Variants in CCDC7 observed in about 807,000 individuals in gnomAD.
The protein encoded by CCDC7 is coiled-coil domain containing 7.
In CCDC7, 183 loss-of-function variants were observed where a neutral mutation model predicts 196.9. The observed-to-expected ratio is 0.93, with a 90% CI of 0.82 to 1.05. The LOEUF (loss-of-function observed/expected upper bound fraction) is 1.05, where lower values mean the gene tolerates loss of function less well. Ranked by LOEUF, CCDC7 falls within the 50% of genes least tolerant of loss-of-function variation. CCDC7 has a pLI of 0.00. For synonymous variants in CCDC7, 525 were observed against 484.6 expected (o/e 1.08, Z -1.10); for missense variants, 1,540 against 1,482.2 (o/e 1.04, Z -0.64).
chr10:32,829,904 G>T (rs906042125), intron 32 of CCDC7, among the ~76,000 whole-genome samples: 3 of 151,170 alleles, frequency 2.0e-5, no homozygotes, highest in African/African-American at 7.3e-5. Flanking sequence ...AGAAAAACGT[G>T]AAAATACTAG....
intron 18 of CCDC7, among the ~76,000 whole-genome samples, chr10:32,596,540 T>C (rs2060378921): frequency 6.6e-6 from 1 of 152,178 alleles, no homozygotes; most frequent in Non-Finnish European, 1.5e-5. Context: ...CATTTAAGGT[T>C]AATATTGTTA....
intron 20 of CCDC7, among the ~76,000 whole-genome samples, chr10:32,662,029 A>G (rs7904641): frequency 6.6e-6 from 1 of 151,854 alleles, no homozygotes; most frequent in Admixed American, 6.6e-5. Flanking sequence ...GCTTGCCAGA[A>G]CTCAAGTTCC....
chr10:32,470,943 A>G, intron 5 of CCDC7, 121 bp from the exon 7 acceptor site: 2 of 904,822 alleles, frequency 2.2e-6, no homozygotes, highest in Non-Finnish European at 3.1e-6. Context: ...ACTTGGCTAT[A>G]GCTATAGATA....
intron 29 of CCDC7, among the ~76,000 whole-genome samples, chr10:32,797,676 AAAAT>A (rs1382419473): frequency 1.3e-5 from 2 of 152,214 alleles, no homozygotes; most frequent in African/African-American, 4.8e-5. Flanking sequence ...CATAGTTTAA[AAAAT>A]AAATAAAAAA....
At chr10:32,642,198 T>C (rs561047558) in intron 20 of CCDC7, among the ~76,000 whole-genome samples, 98 of 152,272 alleles carry the variant, frequency 6.4e-4, no homozygotes, top group Middle Eastern at 3.4e-3. Context: ...GACATTTAAG[T>C]CTGCAGAGGT....
intron 20 of CCDC7, among the ~76,000 whole-genome samples, chr10:32,654,163 C>T (rs2069316583): frequency 6.6e-6 from 1 of 152,090 alleles, no homozygotes; most frequent in African/African-American, 2.4e-5. Flanking sequence ...TATTTGGTTA[C>T]TTCGGGAAAT....
intron 20 of CCDC7, among the ~76,000 whole-genome samples, chr10:32,645,600 A>G (rs1048919923): frequency 1.3e-5 from 2 of 149,944 alleles, no homozygotes; most frequent in Non-Finnish European, 3.0e-5. Context: ...GGATAGTTTG[A>G]ATAGAACTGG....
chr10:32,526,373 C>T (rs549802361), intron 11 of CCDC7, among the ~76,000 whole-genome samples: 1 of 152,188 alleles, frequency 6.6e-6, no homozygotes, highest in South Asian at 2.1e-4. Flanking sequence ...AGCCTGGGCT[C>T]AGGGACCCCA....
At position 32,847,890 on chromosome 10, in the gene CCDC7, TAA is replaced by T. The variant is rs371466318; in HGVS notation, c.3748_3749del (p.Lys1250AspfsTer8). ...GGTTCAAGTAAAACAATTGGTGAGA[TAA>T]AGACACAACTAAGGACTCACTATGG... On this transcript the variant is annotated frameshift_variant, in exon 38 of 42. Transcript: ENST00000639629. LOFTEE classifies it high-confidence loss of function. 65,575 of 1,608,818 alleles carry T rather than the reference TAA, an allele frequency of 0.041. 1,547 individuals carry two copies. Among genetic ancestry groups the T allele is most frequent in the Non-Finnish European group, 0.046 (54,141 of 1,176,126 alleles).
intron 41 of CCDC7, among the ~76,000 whole-genome samples, chr10:32,867,541 G>T (rs1354016070): frequency 2.7e-5 from 4 of 150,824 alleles, no homozygotes; most frequent in Admixed American, 1.3e-4. Context: ...TGAATTGATA[G>T]AAAAATCAAA....
intron 23 of CCDC7, among the ~76,000 whole-genome samples, chr10:32,692,735 A>T (rs901123002): frequency 6.6e-6 from 1 of 152,224 alleles, no homozygotes; most frequent in East Asian, 1.9e-4. Context: ...TTACTAGCAT[A>T]TTAAAAGCCA....
exon 19 of CCDC7, chr10:32,634,344 C>T (rs1327649389): frequency 4.3e-6 from 5 of 1,162,636 alleles, no homozygotes; most frequent in Non-Finnish European, 5.4e-6. Flanking sequence ...CAAAGAACTT[C>T]TAGTATGGAA....
chr10:32,754,554 A>G (rs1057055201), intron 28 of CCDC7, among the ~76,000 whole-genome samples: 8 of 152,360 alleles, frequency 5.3e-5, no homozygotes, highest in Middle Eastern at 3.4e-3. Flanking sequence ...AACATATTTC[A>G]GTATGAAAAT....
chr10:32,567,661 TA>T lies in CCDC7; in HGVS notation c.1198-4del, dbSNP rs551685359. On this transcript the variant is annotated splice_polypyrimidine_tract_variant and splice_region_variant and intron_variant, in intron 14 of 41. Transcript: ENST00000639629. Reference sequence around the variant, plus strand: ...AATGCTTAATAAACTGGTACTTTTTTAAAAACAGGAAGCTGAAAAAGCTAAG... The same window carrying T: ...AATGCTTAATAAACTGGTACTTTTTTAAAACAGGAAGCTGAAAAAGCTAAG... 111 of 1,600,458 alleles carry T rather than the reference TA, an allele frequency of 6.9e-5. 4 individuals are homozygous for T. In the South Asian group the frequency reaches 1.2e-3, roughly 17 times the overall value.
intron 28 of CCDC7, among the ~76,000 whole-genome samples, chr10:32,748,349 A>C (rs754374296): frequency 1.5e-4 from 23 of 151,804 alleles, no homozygotes; most frequent in South Asian, 4.2e-4. Flanking sequence ...ACATGTACCC[A>C]AAATAATAGA....
chr10:32,648,147 G>T (rs1480691117), intron 20 of CCDC7, among the ~76,000 whole-genome samples: 5 of 152,106 alleles, frequency 3.3e-5, no homozygotes, highest in African/African-American at 1.2e-4. Context: ...TAGGTGTGGG[G>T]CTTTATTTAT....
chr10:32,458,491 T>TC (rs200682935), intron 3 of CCDC7, among the ~76,000 whole-genome samples: 3,438 of 150,410 alleles, frequency 0.023, 162 homozygotes, highest in African/African-American at 0.079. Flanking sequence ...GCTTTTTTTT[T>TC]TTTTTTTAAA....
At chr10:32,499,205 A>G (rs2043452203) in intron 9 of CCDC7, 1 of 150,764 alleles carries the variant, frequency 6.6e-6, no homozygotes, top group Non-Finnish European at 1.5e-5. Flanking sequence ...CTGTTATTTT[A>G]CCTGTCTTCT....
intron 24 of CCDC7, among the ~76,000 whole-genome samples, chr10:32,696,118 A>T (rs749850718): frequency 1.3e-5 from 2 of 152,070 alleles, no homozygotes; most frequent in Non-Finnish European, 2.9e-5. Context: ...AATTGCAACA[A>T]TTCGCCTCAG....
Sources: gnomAD v4.1 joint callset for allele counts (sites outside exome capture counted in the v4.1 genomes callset) on GRCh38, gnomAD v4.1.1 for gene constraint, MANE v1.5 for transcripts, NCBI Gene and HGNC (gene_info 2026-07-23, HGNC 2026-07-21) for gene names.